ADAMTSL3: variants seen among roughly 807,000 people sequenced by gnomAD.
ADAMTSL3 encodes ADAMTS like 3, also known as ADAMTS-like protein 3.
In ADAMTSL3, 128 loss-of-function variants were observed where a neutral mutation model predicts 201.7. The observed-to-expected ratio is 0.63, with a 90% CI of 0.55 to 0.73. The LOEUF is 0.73. Among genes scored for constraint, ADAMTSL3 ranks in the 30% least tolerant of loss-of-function variants. The pLI, the probability that ADAMTSL3 is intolerant of heterozygous loss-of-function variation, is 0.00. For missense variants in ADAMTSL3, 1,990 were observed against 2,119.6 expected, an observed-to-expected ratio of 0.94 and a Z score of 1.20; for synonymous variants, 738 against 748.4, an observed-to-expected ratio of 0.99 and a Z score of 0.23.
intron 3 of ADAMTSL3, among the ~76,000 whole-genome samples, chr15:83,743,929 C>T (rs1258016201): frequency 1.3e-5 from 2 of 151,882 alleles, no homozygotes; most frequent in Non-Finnish European, 2.9e-5. Flanking sequence ...CGGTTCACTG[C>T]AAGCTCTGCC....
In ADAMTSL3 at chr15:83,858,951, C is replaced by G. The variant is rs1331776047; in HGVS notation, c.802+111C>G. 9 of 827,278 alleles carry G rather than the reference C, an allele frequency of 1.1e-5. No individual in the cohort carries two copies. The East Asian group carries it at 2.4e-4, about 22-fold the overall frequency. The allele number at this position is 827,278 out of a possible 1,614,324, so 51.2% of individuals were successfully genotyped here. A position where few individuals can be genotyped will look rare whatever the true frequency, so the allele number is the denominator to read the frequency against. ...AAACCAACAAGCAAAAAAACTTTCT[C>G]TAAGTTAATGGGTAATGTTACTGAA... On this transcript the variant is annotated intron_variant, in intron 8 of 29. Transcript: ENST00000286744.
chr15:83,733,000 T>C (rs553070989), intron 3 of ADAMTSL3, among the ~76,000 whole-genome samples: 15 of 152,130 alleles, frequency 9.9e-5, no homozygotes, highest in Non-Finnish European at 1.6e-4. Context: ...CAATACTGCA[T>C]TGTATTGGGG....
At position 83,884,338 on chromosome 15, in the gene ADAMTSL3, C is replaced by CCTTT. The variant is rs1305026027; in HGVS notation, c.961-763_961-762insCTTT. Reference sequence around the variant, plus strand: ...TGTTACCTCATTGGTGCCCTATTTCCTTTTTTTTTTTTTTTTTTTTTTGAG... The same window carrying CCTTT: ...TGTTACCTCATTGGTGCCCTATTTCCCTTTTTTTTTTTTTTTTTTTTTTTTTGAG... On this transcript the variant is annotated intron_variant, in intron 9 of 29. Transcript: ENST00000286744. Among the ~76,000 whole-genome samples, 18 of 114,466 alleles carry CCTTT rather than the reference C, an allele frequency of 1.6e-4. 1 individual carries two copies. Among genetic ancestry groups the CCTTT allele is most frequent in the African/African-American group, 2.8e-4 (8 of 28,922 alleles). The allele number at this position is 114,466 out of a possible 152,430, so 75.1% of individuals were successfully genotyped here.
chr15:83,855,040 G>A (rs1373430733), intron 7 of ADAMTSL3, among the ~76,000 whole-genome samples: 2 of 152,080 alleles, frequency 1.3e-5, no homozygotes, highest in African/African-American at 4.8e-5. Context: ...GTGTGTGTGT[G>A]TCTGTGTGTG....
intron 7 of ADAMTSL3, among the ~76,000 whole-genome samples, chr15:83,843,238 A>G (rs2064419447): frequency 8.2e-6 from 1 of 122,292 alleles, no homozygotes; most frequent in African/African-American, 4.0e-5. Context: ...AACCCCTAAA[A>G]TGTCCTTTTT....
At chr15:83,988,659 A>G (rs2067526325) in intron 21 of ADAMTSL3, 32 bp from the exon 22 acceptor site, 3 of 1,543,850 alleles carry the variant, frequency 1.9e-6, no homozygotes, top group Non-Finnish European at 8.8e-7. Flanking sequence ...AAATTGTTAT[A>G]TGAATGTGTC....
chr15:83,875,974 C>G (rs959228893), intron 9 of ADAMTSL3, among the ~76,000 whole-genome samples: 1 of 151,766 alleles, frequency 6.6e-6, no homozygotes, highest in Non-Finnish European at 1.5e-5. Context: ...GGCTTAATGC[C>G]TTTTCTCTCT....
At chr15:83,748,659 A>G (rs1267079772) in intron 3 of ADAMTSL3, among the ~76,000 whole-genome samples, 3 of 151,322 alleles carry the variant, frequency 2.0e-5, no homozygotes, top group Non-Finnish European at 4.4e-5. Context: ...CAAAAAAAAA[A>G]AAAAAAAAAA....
At chr15:83,895,356 C>T (rs1177629268) in intron 13 of ADAMTSL3, among the ~76,000 whole-genome samples, 1 of 152,172 alleles carries the variant, frequency 6.6e-6, no homozygotes, top group African/African-American at 2.4e-5. Context: ...GTTTTCAGCT[C>T]TCATAAGTCC....
intron 5 of ADAMTSL3, among the ~76,000 whole-genome samples, chr15:83,818,516 G>C (rs369502111): frequency 6.6e-6 from 1 of 152,084 alleles, no homozygotes; most frequent in Admixed American, 6.5e-5. Flanking sequence ...TCACAGAGAC[G>C]GGGTTTCACC....
At chr15:83,655,644 C>T (rs2061071087) in intron 1 of ADAMTSL3, 85 bp from the exon 2 acceptor site, 1 of 937,590 alleles carries the variant, frequency 1.1e-6, no homozygotes, top group African/African-American at 1.7e-5. Flanking sequence ...CTTCAGGGTC[C>T]CTCCATCTAA....
intron 25 of ADAMTSL3, among the ~76,000 whole-genome samples, chr15:84,021,158 G>A (rs2068198364): frequency 6.6e-6 from 1 of 152,140 alleles, no homozygotes. Context: ...AGACCCAGCT[G>A]GCCGATGATA....
chr15:83,982,575 A>C lies in ADAMTSL3; in HGVS notation c.2947A>C (p.Ile983Leu), dbSNP rs1245474517. ...CCCCGACATCGGCGTGTACCGGTGC[A>C]TTGCAGGCTCTGCACAGGAAACAGT... ...AAPDIGVYRCIAGSAQETVVL... is the reference protein window; with the variant it reads ...AAPDIGVYRCLAGSAQETVVL... The change falls in exon 21 of 30, where the codon ATT becomes CTT. Residue 983 changes from isoleucine (I) to leucine (L), a missense_variant. Physicochemically the swap from Ile to Leu is conservative, Grantham distance 5 (BLOSUM62 2). Transcript: ENST00000286744. 1.2e-6 allele frequency: 2 copies of C among 1,614,062 alleles called. No homozygotes were observed. Among genetic ancestry groups the C allele is most frequent in the East Asian group, 4.5e-5 (2 of 44,888 alleles).
intron 26 of ADAMTSL3, among the ~76,000 whole-genome samples, chr15:84,023,111 G>C (rs1437789510): frequency 6.6e-6 from 1 of 152,058 alleles, no homozygotes; most frequent in East Asian, 1.9e-4. Context: ...AAATCCACAG[G>C]TATTTTGCTC....
At chr15:83,749,060 G>A (rs2062597553) in intron 3 of ADAMTSL3, among the ~76,000 whole-genome samples, 1 of 152,122 alleles carries the variant, frequency 6.6e-6, no homozygotes, top group African/African-American at 2.4e-5. Context: ...GAAAGCCTTG[G>A]CACAGCCCAC....
intron 23 of ADAMTSL3, 35 bp downstream of exon 23, chr15:83,991,249 G>GT (rs780422107): frequency 1.9e-6 from 3 of 1,613,336 alleles, no homozygotes; most frequent in Non-Finnish European, 2.5e-6. Context: ...GGCCATTTCA[G>GT]TGGGAGGTAA....
chr15:83,835,469 G>A (rs935799617), intron 6 of ADAMTSL3, among the ~76,000 whole-genome samples: 1 of 152,174 alleles, frequency 6.6e-6, no homozygotes, highest in South Asian at 2.1e-4. Flanking sequence ...TGCTCAGGGA[G>A]GTATTCAATT....
At chr15:83,954,559 T>C (rs2142072957) in intron 19 of ADAMTSL3, among the ~76,000 whole-genome samples, 1 of 152,350 alleles carries the variant, frequency 6.6e-6, no homozygotes, top group South Asian at 2.1e-4. Flanking sequence ...AGTCATGTTT[T>C]CCTGTAGATG....
intron 3 of ADAMTSL3, among the ~76,000 whole-genome samples, chr15:83,755,726 T>G (rs2062708718): frequency 6.6e-6 from 1 of 152,180 alleles, no homozygotes; most frequent in Non-Finnish European, 1.5e-5. Context: ...TATAACAGAG[T>G]GGTACAAACA....
Sources: gnomAD v4.1 joint callset for allele counts (sites outside exome capture counted in the v4.1 genomes callset) on GRCh38, gnomAD v4.1.1 for gene constraint, MANE v1.5 for transcripts, NCBI Gene and HGNC (gene_info 2026-07-23, HGNC 2026-07-21) for gene names.